The following NR6A1 variants were observed in gnomAD, a reference collection of about 807,000 sequenced individuals.
NR6A1 encodes nuclear receptor subfamily 6 group A member 1, also known as retinoic acid receptor-related testis-associated receptor.
NR6A1 carries 7 observed loss-of-function variants against 59.1 expected under a neutral mutation model. The ratio of observed to expected loss-of-function variants is 0.12; its 90% CI spans 0.07 to 0.22. The LOEUF (loss-of-function observed/expected upper bound fraction) is 0.22. Among genes scored for constraint, NR6A1 ranks in the 10% least tolerant of loss-of-function variants. The pLI, the probability that NR6A1 is intolerant of heterozygous loss-of-function variation, is 1.00. For missense variants in NR6A1, 468 were observed against 611.6 expected, an observed-to-expected ratio of 0.77 and a Z score of 2.48; for synonymous variants, 243 against 236.1, an observed-to-expected ratio of 1.03 and a Z score of -0.27.
At chr9:124,736,707 G>A (rs914783604) in intron 1 of NR6A1, among the ~76,000 whole-genome samples, 1 of 152,058 alleles carries the variant, frequency 6.6e-6, no homozygotes, top group East Asian at 1.9e-4. Flanking sequence ...TTAGCCAGGT[G>A]TGGTGGTGTA....
intron 2 of NR6A1, among the ~76,000 whole-genome samples, chr9:124,654,121 T>C (rs1173876154): frequency 2.0e-5 from 3 of 152,202 alleles, no homozygotes; most frequent in South Asian, 2.1e-4. Context: ...AAAATGGTTA[T>C]AAAAGAAATA....
chr9:124,679,749 T>C (rs777505744), intron 2 of NR6A1, among the ~76,000 whole-genome samples: 2 of 151,358 alleles, frequency 1.3e-5, no homozygotes, highest in South Asian at 2.1e-4. Flanking sequence ...AAAAAAAAAT[T>C]AGCCGGTCAT....
chr9:124,771,299 C>G lies in NR6A1; in HGVS notation c.-180G>C. The G allele has an allele frequency of 2.6e-6, 1 of 390,022 alleles. No individual in the cohort carries two copies. The highest frequency in any genetic ancestry group is 4.5e-6 in the Non-Finnish European group (1 of 221,256). The allele number at this position is 390,022 out of a possible 1,614,324, so 24.2% of individuals were successfully genotyped here. On this transcript the variant is annotated 5_prime_UTR_variant, in exon 1 of 10. Transcript: ENST00000487099. ...CCGCTCCGCGCCCCTCCGCGCCGCG[C>G]CCCCTCAGCACTGGCCAGCTCCCTC...
intron 2 of NR6A1, among the ~76,000 whole-genome samples, chr9:124,565,287 C>T (rs1224014043): frequency 6.6e-6 from 1 of 151,996 alleles, no homozygotes; most frequent in East Asian, 1.9e-4. Context: ...ATTAGCTGGG[C>T]ATGGTGGCAC....
intron 2 of NR6A1, among the ~76,000 whole-genome samples, chr9:124,642,819 G>T (rs150057713): frequency 1.3e-5 from 2 of 152,294 alleles, no homozygotes; most frequent in African/African-American, 4.8e-5. Flanking sequence ...CATGAGAGAG[G>T]GAGGTAGCAG....
At chr9:124,547,136 A>G (rs1257923363) in intron 3 of NR6A1, among the ~76,000 whole-genome samples, 1 of 152,268 alleles carries the variant, frequency 6.6e-6, no homozygotes, top group Non-Finnish European at 1.5e-5. Flanking sequence ...TAAGTCTAAG[A>G]AAGAGAATGG....
chr9:124,534,624 T>A (rs976401928), intron 7 of NR6A1, among the ~76,000 whole-genome samples: 2 of 152,166 alleles, frequency 1.3e-5, no homozygotes. Context: ...AGTCTTTTAG[T>A]CCTATCCTTT....
intron 5 of NR6A1, among the ~76,000 whole-genome samples, chr9:124,538,798 G>C (rs530230457): frequency 2.6e-5 from 4 of 151,988 alleles, no homozygotes; most frequent in Admixed American, 6.6e-5. Context: ...AAGAACAAAC[G>C]AAGGGGCACC....
intron 2 of NR6A1, among the ~76,000 whole-genome samples, chr9:124,558,236 G>A (rs964851987): frequency 1.3e-5 from 2 of 152,078 alleles, no homozygotes; most frequent in South Asian, 2.1e-4. Flanking sequence ...CTCATGTCTC[G>A]TAACACTGCT....
intron 2 of NR6A1, among the ~76,000 whole-genome samples, chr9:124,610,962 T>G (rs1219696365): frequency 6.6e-6 from 1 of 152,186 alleles, no homozygotes. Context: ...CCCAAATAAC[T>G]TTCCTTTCTG....
intron 2 of NR6A1, among the ~76,000 whole-genome samples, chr9:124,628,104 T>C (rs1288376074): frequency 2.0e-5 from 3 of 152,154 alleles, no homozygotes; most frequent in Non-Finnish European, 4.4e-5. Context: ...CTCAGCTCAC[T>C]GCAACCTCCG....
In NR6A1 at chr9:124,536,064, T is replaced by A. The variant is rs748651033; in HGVS notation, c.893A>T (p.Gln298Leu). 6.2e-7 allele frequency: 1 copy of A among 1,614,184 alleles called. No individual in the cohort carries two copies. Among genetic ancestry groups the A allele is most frequent in the Non-Finnish European group, 8.5e-7 (1 of 1,180,036 alleles). Residue 298 changes from glutamine to leucine, a missense_variant, in exon 7 of 10, where the codon CAG (glutamine) becomes CTG (leucine). By Grantham distance (113) the Gln-to-Leu change is moderately radical. Around this residue, in one of 4 missense-constraint regions of NR6A1, gnomAD observed 176 missense variants for 264.0 expected, o/e 0.67. Transcript: ENST00000487099. ...AGGCAGTTTCTTGATCCAGGCAATC[T>A]GCCTAAAGAGCAGCTCGTCGGCCAG... ...CRLADELLFR[Q>L]IAWIKKLPFF... is the part of the protein sequence containing the mutation.
intron 2 of NR6A1, among the ~76,000 whole-genome samples, chr9:124,621,897 A>G (rs1836087390): frequency 6.6e-6 from 1 of 152,166 alleles, no homozygotes; most frequent in Non-Finnish European, 1.5e-5. Context: ...AGCCACAGGC[A>G]TTCCCAGCAC....
At chr9:124,537,928 G>A (rs1833319360) in intron 6 of NR6A1, among the ~76,000 whole-genome samples, 164 bp downstream of exon 6, 1 of 152,144 alleles carries the variant, frequency 6.6e-6, no homozygotes, top group African/African-American at 2.4e-5. Context: ...AAAAATAAGG[G>A]ATCACTGGTT....
intron 3 of NR6A1, among the ~76,000 whole-genome samples, chr9:124,553,445 C>T (rs567426546): frequency 2.6e-5 from 4 of 151,920 alleles, no homozygotes; most frequent in African/African-American, 7.2e-5. Flanking sequence ...GCATCCTTCT[C>T]AGGTATCTCA....
At chr9:124,737,429 G>C (rs1840046808) in intron 1 of NR6A1, among the ~76,000 whole-genome samples, 1 of 152,186 alleles carries the variant, frequency 6.6e-6, no homozygotes. Flanking sequence ...GTTTTGCCCA[G>C]ATTCTCAGCA....
At chr9:124,756,753 A>G (rs954966098) in intron 1 of NR6A1, among the ~76,000 whole-genome samples, 1 of 152,218 alleles carries the variant, frequency 6.6e-6, no homozygotes, top group Non-Finnish European at 1.5e-5. Flanking sequence ...AGGTCTCAAG[A>G]CACATTAAAG....
intron 2 of NR6A1, among the ~76,000 whole-genome samples, chr9:124,603,409 C>A (rs1037540561): frequency 6.6e-6 from 1 of 152,034 alleles, no homozygotes; most frequent in Non-Finnish European, 1.5e-5. Flanking sequence ...CAGGTTTTTT[C>A]CCCTAGACAA....
chr9:124,587,388 A>G (rs1461009473), intron 2 of NR6A1, among the ~76,000 whole-genome samples: 1 of 152,216 alleles, frequency 6.6e-6, no homozygotes, highest in Non-Finnish European at 1.5e-5. Flanking sequence ...AGCACAGTTT[A>G]TAAAAACTCC....
Sources: allele counts gnomAD v4.1 joint callset (sites outside exome capture counted in the v4.1 genomes callset), GRCh38; gene constraint gnomAD v4.1.1; regional missense constraint gnomAD v4.1.1; transcripts MANE v1.5; gene names NCBI Gene and HGNC (gene_info 2026-07-23, HGNC 2026-07-21).